ROR1: variants seen among roughly 807,000 people sequenced by gnomAD.
ROR1 encodes ROR family WNT receptor 1.
A neutral mutation model predicts 78.8 loss-of-function variants in ROR1; 19 were observed. The observed-to-expected ratio is 0.24, with a 90% CI of 0.17 to 0.35. ROR1 has a LOEUF of 0.35. ROR1 is among the 10% of genes least tolerant of loss of function. The pLI, the probability that ROR1 is intolerant of heterozygous loss-of-function variation, is 1.00. For missense variants in ROR1, 917 were observed against 1,177.8 expected (o/e 0.78, Z 3.24); for synonymous variants, 386 against 433.6 (o/e 0.89, Z 1.36).
chr1:63,993,170 C>T (rs1557599228), intron 1 of ROR1, among the ~76,000 whole-genome samples: 1 of 152,150 alleles, frequency 6.6e-6, no homozygotes, highest in Non-Finnish European at 1.5e-5. Flanking sequence ...AAACTCAACT[C>T]AAAAGTCAGT....
intron 2 of ROR1, among the ~76,000 whole-genome samples, chr1:64,023,881 C>G (rs1019486067): frequency 6.6e-6 from 1 of 152,094 alleles, no homozygotes; most frequent in Admixed American, 6.5e-5. Flanking sequence ...ATTGTAATCC[C>G]CACGTGTCAA....
chr1:64,173,152 G>A (rs769539936), intron 8 of ROR1, among the ~76,000 whole-genome samples: 6 of 152,038 alleles, frequency 3.9e-5, no homozygotes, highest in Non-Finnish European at 8.8e-5. Context: ...TTTTTTCTGG[G>A]CACTTCTTTG....
rs761270555 is a variant in ROR1, at chr1:64,177,896, C to T, written c.1855C>T (p.Arg619Cys). Residue 619 changes from arginine (R) to cysteine (C), a missense_variant, in exon 9 of 9, where the codon CGC becomes TGC. Arg to Cys is a radical substitution (Grantham distance 180). This residue lies in a region of ROR1 where 835 missense variants were observed against 1,069.8 expected (regional missense o/e 0.78). Transcript: ENST00000371079. ...HFFVHKDLAA[R>C]NILIGEQLHV... ...CTTTGTCCACAAGGACCTTGCAGCT[C>T]GCAATATTTTAATCGGAGAGCAACT... The T allele has an allele frequency of 2.5e-6, 4 of 1,614,076 alleles. No homozygotes were observed. Among genetic ancestry groups the T allele is most frequent in the Non-Finnish European group, 3.4e-6 (4 of 1,180,012 alleles).
intron 4 of ROR1, among the ~76,000 whole-genome samples, chr1:64,081,266 C>T (rs1647099522): frequency 6.6e-6 from 1 of 152,150 alleles, no homozygotes; most frequent in South Asian, 2.1e-4. Context: ...AGACATCGAC[C>T]TTCCAATTTC....
At chr1:63,837,350 T>A (rs1645023895) in intron 1 of ROR1, among the ~76,000 whole-genome samples, 1 of 152,186 alleles carries the variant, frequency 6.6e-6, no homozygotes, top group Non-Finnish European at 1.5e-5. Context: ...ACTGGTTGCA[T>A]GTGGAGTAAT....
intron 4 of ROR1, among the ~76,000 whole-genome samples, chr1:64,097,836 C>G (rs1469976429): frequency 1.3e-5 from 2 of 152,078 alleles, no homozygotes; most frequent in South Asian, 2.1e-4. Context: ...GGAGGGTGAG[C>G]TGTGGTGGAC....
rs746892816 is a variant in ROR1 at position 63,804,157 on chromosome 1, G to A, written c.91+29649G>A. 1.3e-4 allele frequency among the ~76,000 whole-genome samples: 20 copies of A among 152,262 alleles called. 1 individual carries two copies. The East Asian group carries it at 2.9e-3, about 22-fold the overall frequency. ...TCCTGGGAGGGGGATGGCTGTGGCT[G>A]TGAAGGAGGATCATGAGGCAACTCT... is the stretch of plus-strand genomic sequence containing the variant. On this transcript the variant is annotated intron_variant, in intron 1 of 8. Coordinates refer to ENST00000371079, the MANE Select transcript of ROR1 (RefSeq NM_005012.4).
intron 1 of ROR1, among the ~76,000 whole-genome samples, chr1:63,901,169 A>C (rs1645482658): frequency 6.6e-6 from 1 of 152,140 alleles, no homozygotes; most frequent in Admixed American, 6.5e-5. Context: ...TGGTGTTTAA[A>C]AGACTGACAT....
intron 1 of ROR1, among the ~76,000 whole-genome samples, chr1:63,801,082 GTTTA>G (rs1407883994): frequency 6.7e-6 from 1 of 149,954 alleles, no homozygotes; most frequent in Admixed American, 6.6e-5. Context: ...GGTGTAGATG[GTTTA>G]TTTATTTATT....
intron 7 of ROR1, among the ~76,000 whole-genome samples, chr1:64,152,971 G>A (rs1185002551): frequency 6.6e-6 from 1 of 152,114 alleles, no homozygotes; most frequent in Non-Finnish European, 1.5e-5. Flanking sequence ...AGTCACTTGA[G>A]TCATTTGATC....
intron 7 of ROR1, among the ~76,000 whole-genome samples, chr1:64,156,329 C>A (rs1366526315): frequency 5.9e-5 from 9 of 151,900 alleles, no homozygotes; most frequent in African/African-American, 2.2e-4. Flanking sequence ...TGATTCCTTT[C>A]TGTCTATCTA....
intron 1 of ROR1, among the ~76,000 whole-genome samples, chr1:63,884,723 CAG>C (rs557826811): frequency 8.5e-5 from 13 of 152,110 alleles, no homozygotes; most frequent in Non-Finnish European, 5.9e-5. Flanking sequence ...GGGGAGGAGA[CAG>C]GGGATTATAC....
intron 1 of ROR1, among the ~76,000 whole-genome samples, chr1:63,942,856 G>A (rs1557574591): frequency 6.6e-6 from 1 of 152,138 alleles, no homozygotes; most frequent in African/African-American, 2.4e-5. Flanking sequence ...TTGGGAAGCT[G>A]AGGCCAGAAG....
chr1:63,865,329 T>C (rs758633156), intron 1 of ROR1, among the ~76,000 whole-genome samples: 2 of 152,180 alleles, frequency 1.3e-5, no homozygotes, highest in African/African-American at 4.8e-5. Flanking sequence ...TTGTCATGCT[T>C]TTGGTCTAAA....
intron 1 of ROR1, among the ~76,000 whole-genome samples, chr1:63,961,633 A>G (rs1199965209): frequency 6.6e-6 from 1 of 152,208 alleles, no homozygotes; most frequent in African/African-American, 2.4e-5. Flanking sequence ...AAGCTAAAAA[A>G]AGTTGATCTC....
At chr1:63,852,830 C>A (rs1569819175) in intron 1 of ROR1, among the ~76,000 whole-genome samples, 1 of 152,302 alleles carries the variant, frequency 6.6e-6, no homozygotes, top group East Asian at 1.9e-4. Context: ...GCAATAGACT[C>A]CTGCTTTTCT....
intron 2 of ROR1, among the ~76,000 whole-genome samples, chr1:64,038,055 T>C (rs1456622827): frequency 6.6e-6 from 1 of 152,148 alleles, no homozygotes; most frequent in Non-Finnish European, 1.5e-5. Flanking sequence ...TTCTGATTAT[T>C]TTCATATGTT....
At position 64,106,767 on chromosome 1, in the gene ROR1, T is replaced by G. The variant is rs148474876; in HGVS notation, c.483-30602T>G. On this transcript the variant is annotated intron_variant, in intron 4 of 8. Transcript: ENST00000371079. ...ATGTGACGGATTATGTTTATTGATT[T>G]GCATATGCTGAGCCAGCTTTGCATC... 3.3e-5 allele frequency: 5 copies of G among 152,350 alleles called. No homozygotes were observed. The East Asian group carries it at 9.6e-4, about 29-fold the overall frequency. 9.4% of individuals were successfully genotyped at this position (152,350 alleles called of 1,614,324 possible).
intron 1 of ROR1, among the ~76,000 whole-genome samples, chr1:63,840,604 TC>T (rs1645043895): frequency 6.6e-6 from 1 of 152,136 alleles, no homozygotes; most frequent in African/African-American, 2.4e-5. Context: ...TTTAAAATAA[TC>T]TTCCAATTCT....
Sources: allele counts gnomAD v4.1 joint callset (sites outside exome capture counted in the v4.1 genomes callset), GRCh38; gene constraint gnomAD v4.1.1; regional missense constraint gnomAD v4.1.1; transcripts MANE v1.5; gene names NCBI Gene and HGNC (gene_info 2026-07-23, HGNC 2026-07-21).